TNFRSF21: variants seen among roughly 807,000 people sequenced by gnomAD.
The protein encoded by TNFRSF21 is tumor necrosis factor receptor superfamily member 21.
Under a neutral mutation model 45.6 loss-of-function variants are expected in TNFRSF21, and 19 were observed. The ratio of observed to expected loss-of-function variants is 0.42; its 90% CI spans 0.29 to 0.61. The LOEUF (loss-of-function observed/expected upper bound fraction) is 0.61, where lower values mean the gene tolerates loss of function less well. Ranked by LOEUF, TNFRSF21 falls within the 20% of genes least tolerant of loss-of-function variation. TNFRSF21 has a pLI of 0.23. For missense variants in TNFRSF21, 737 were observed against 851.5 expected (o/e 0.87, Z 1.67); for synonymous variants, 314 against 335.5 (o/e 0.94, Z 0.70).
chr6:47,284,350 G>T lies in TNFRSF21; in HGVS notation c.831C>A (p.Asp277Glu). 1 of 1,577,202 alleles carries T rather than the reference G, an allele frequency of 6.3e-7. No individual in the cohort carries two copies. Among genetic ancestry groups the T allele is most frequent in the Non-Finnish European group, 8.6e-7 (1 of 1,163,086 alleles). Residue 277 changes from aspartate to glutamate, a missense_variant, in exon 3 of 6, where the codon GAC becomes GAA. Asp to Glu is a conservative substitution (Grantham distance 45). Transcript: ENST00000296861. ...LSSIQEGTVP[D>E]NTSSARGKED... The stretch of plus-strand genomic sequence containing the variant: ...CCTTCCCCCTTGCTGAGCTTGTGTT[G>T]TCAGGGACTGTCCCTTCCTGGATGC...
At chr6:47,263,269 G>A (rs1428726415) in intron 3 of TNFRSF21, among the ~76,000 whole-genome samples, 3 of 152,154 alleles carry the variant, frequency 2.0e-5, no homozygotes. Flanking sequence ...TTTGTAATTT[G>A]GTGTTAGACA....
At position 47,248,104 on chromosome 6, in the gene TNFRSF21, T is replaced by A. The variant is rs185615948; in HGVS notation, c.1509+5152A>T. On this transcript the variant is annotated intron_variant, in intron 4 of 5. Transcript: ENST00000296861. ...TATTTTAAATTGTTGTGGTTGTTTTTAATACCATCATTTTTTAAGTATCTA... is the reference window on the plus strand; with the variant it reads ...TATTTTAAATTGTTGTGGTTGTTTTAAATACCATCATTTTTTAAGTATCTA... Among the ~76,000 whole-genome samples the A allele has an allele frequency of 2.9e-3, 435 of 152,304 alleles. 3 individuals are homozygous for A. The highest frequency in any genetic ancestry group is 9.3e-3 in the African/African-American group (387 of 41,560).
At chr6:47,267,647 G>T (rs1466512604) in intron 3 of TNFRSF21, among the ~76,000 whole-genome samples, 4 of 152,032 alleles carry the variant, frequency 2.6e-5, no homozygotes, top group African/African-American at 9.7e-5. Flanking sequence ...AAAGAAAAAG[G>T]GGCAACCAAG....
intron 5 of TNFRSF21, among the ~76,000 whole-genome samples, chr6:47,233,640 T>C (rs1281129379): frequency 6.7e-6 from 1 of 149,804 alleles, no homozygotes; most frequent in African/African-American, 2.4e-5. Context: ...TTCTAAAATA[T>C]ATTATATAAC....
chr6:47,279,834 C>A (rs1270045118), intron 3 of TNFRSF21, among the ~76,000 whole-genome samples: 1 of 152,188 alleles, frequency 6.6e-6, no homozygotes, highest in African/African-American at 2.4e-5. Flanking sequence ...CGTGAAATCA[C>A]AGTCCAGTCC....
intron 3 of TNFRSF21, among the ~76,000 whole-genome samples, chr6:47,267,347 G>A (rs986776716): frequency 4.1e-4 from 63 of 152,136 alleles, no homozygotes; most frequent in African/African-American, 1.3e-3. Context: ...TGATCAGCCC[G>A]CCTCAGCCTC....
At chr6:47,292,533 G>A (rs1762742684) in intron 1 of TNFRSF21, among the ~76,000 whole-genome samples, 1 of 152,054 alleles carries the variant, frequency 6.6e-6, no homozygotes, top group South Asian at 2.1e-4. Context: ...CTGAACTAAG[G>A]GCTCTAATCT....
intron 1 of TNFRSF21, 62 bp from the exon 2 acceptor site, chr6:47,286,657 A>G: frequency 1.3e-6 from 2 of 1,510,462 alleles, no homozygotes; most frequent in Non-Finnish European, 8.9e-7. Flanking sequence ...ATAGGAGCAG[A>G]GCAGAAAAAG....
At chr6:47,245,944 C>T (rs901230631) in intron 4 of TNFRSF21, among the ~76,000 whole-genome samples, 2 of 152,134 alleles carry the variant, frequency 1.3e-5, no homozygotes, top group African/African-American at 2.4e-5. Flanking sequence ...GGGGAGGTGC[C>T]ACATGCTTTC....
rs1764597521 is a variant in TNFRSF21, at chr6:47,232,498, G to A, written c.*267C>T. ...AATATGGAACTTAAAAAACTTTAGT[G>A]GTGGGTATTTCACAACAGTTACACC... On this transcript the variant is annotated 3_prime_UTR_variant, in exon 6 of 6. Transcript: ENST00000296861. 1 of 382,464 alleles carries A rather than the reference G, an allele frequency of 2.6e-6. No homozygotes were observed. Among genetic ancestry groups the A allele is most frequent in the Non-Finnish European group, 4.7e-6 (1 of 214,634 alleles). 23.7% of individuals were successfully genotyped at this position (382,464 alleles called of 1,614,324 possible). A position where few individuals can be genotyped will look rare whatever the true frequency, so the allele number is the denominator to read the frequency against.
rs188892935 is a variant in TNFRSF21, at chr6:47,258,033, T to C, written c.1244-4512A>G. 6.0e-4 allele frequency among the ~76,000 whole-genome samples: 92 copies of C among 152,264 alleles called. 1 individual carries two copies. Among genetic ancestry groups the C allele is most frequent in the African/African-American group, 2.1e-3 (87 of 41,550 alleles). On this transcript the variant is annotated intron_variant, in intron 3 of 5. Coordinates refer to ENST00000296861, the MANE Select transcript of TNFRSF21 (RefSeq NM_014452.5). ...AACGCACTCAAGGCTGGCCACAGTG[T>C]GTGTGCTGCCTCCTGGTCTGTTATT...
In TNFRSF21 at chr6:47,285,375, C is replaced by G. The variant is rs373717886; in HGVS notation, c.748+569G>C. On this transcript the variant is annotated intron_variant, in intron 2 of 5. Coordinates refer to ENST00000296861, the MANE Select transcript of TNFRSF21 (RefSeq NM_014452.5). Reference sequence around the variant, plus strand: ...TTGGAAAAAATAAAGTTATTATTTTCCAGACATGAGTGCTAGTTACCTTCA... The same window carrying G: ...TTGGAAAAAATAAAGTTATTATTTTGCAGACATGAGTGCTAGTTACCTTCA... Among the ~76,000 whole-genome samples, 23 of 152,210 alleles carry G rather than the reference C, an allele frequency of 1.5e-4. No homozygotes were observed. In the South Asian group the frequency reaches 4.4e-3, roughly 29 times the overall value.
chr6:47,270,730 C>A (rs1388453996), intron 3 of TNFRSF21, among the ~76,000 whole-genome samples: 1 of 152,018 alleles, frequency 6.6e-6, no homozygotes, highest in African/African-American at 2.4e-5. Flanking sequence ...GCTAAAGGAG[C>A]ATGTTTGAAC....
At chr6:47,234,461 G>A (rs1372016703) in intron 5 of TNFRSF21, among the ~76,000 whole-genome samples, 1 of 152,240 alleles carries the variant, frequency 6.6e-6, no homozygotes, top group Non-Finnish European at 1.5e-5. Context: ...AGTGCGAGCT[G>A]CAAAGATTTT....
intron 1 of TNFRSF21, among the ~76,000 whole-genome samples, chr6:47,307,479 A>AG (rs1762956027): frequency 6.6e-6 from 1 of 152,142 alleles, no homozygotes; most frequent in Admixed American, 6.5e-5. Flanking sequence ...CCTGGGCTCA[A>AG]GCCATCCTCC....
intron 3 of TNFRSF21, among the ~76,000 whole-genome samples, chr6:47,256,151 G>A (rs1764985005): frequency 6.6e-6 from 1 of 152,206 alleles, no homozygotes; most frequent in Non-Finnish European, 1.5e-5. Flanking sequence ...GTGGAAGACT[G>A]TATACACATT....
intron 2 of TNFRSF21, among the ~76,000 whole-genome samples, chr6:47,284,639 A>G (rs1012207150): frequency 1.3e-5 from 2 of 152,104 alleles, no homozygotes; most frequent in African/African-American, 4.8e-5. Context: ...GAACCACTAA[A>G]CTCACATTCT....
At chr6:47,279,399 T>C (rs1235795383) in intron 3 of TNFRSF21, among the ~76,000 whole-genome samples, 1 of 152,224 alleles carries the variant, frequency 6.6e-6, no homozygotes, top group East Asian at 1.9e-4. Flanking sequence ...GAATACAGTT[T>C]TGTAGCCTCC....
chr6:47,236,926 A>G (rs1392431574), intron 4 of TNFRSF21, among the ~76,000 whole-genome samples: 1 of 152,182 alleles, frequency 6.6e-6, no homozygotes, highest in Non-Finnish European at 1.5e-5. Flanking sequence ...AATGAGCAAA[A>G]AGTCCACTCA....
Sources: allele counts gnomAD v4.1 joint callset (sites outside exome capture counted in the v4.1 genomes callset), GRCh38; gene constraint gnomAD v4.1.1; transcripts MANE v1.5; gene names NCBI Gene and HGNC (gene_info 2026-07-23, HGNC 2026-07-21).